Variants in TBX15 observed in about 807,000 individuals in gnomAD.
TBX15 encodes T-box transcription factor TBX15.
TBX15 carries 18 observed loss-of-function variants against 53.9 expected under a neutral mutation model. The observed-to-expected ratio is 0.33, with a 90% CI of 0.23 to 0.49. The LOEUF (loss-of-function observed/expected upper bound fraction) is 0.49, where lower values mean the gene tolerates loss of function less well. Among genes scored for constraint, TBX15 ranks in the 20% least tolerant of loss-of-function variants. The pLI is 0.98. For missense variants in TBX15, 692 were observed against 749.5 expected (o/e 0.92, Z 0.90); for synonymous variants, 295 against 278.0 (o/e 1.06, Z -0.61).
intron 1 of TBX15, among the ~76,000 whole-genome samples, chr1:118,941,018 A>G (rs1485309205): frequency 6.6e-6 from 1 of 152,170 alleles, no homozygotes; most frequent in East Asian, 1.9e-4. Flanking sequence ...ATTTCAGGTG[A>G]GCAGCTATCA....
At chr1:118,977,690 C>G (rs1023308866) in intron 1 of TBX15, among the ~76,000 whole-genome samples, 1 of 152,224 alleles carries the variant, frequency 6.6e-6, no homozygotes, top group African/African-American at 2.4e-5. Context: ...TAGGTGTATG[C>G]TGGGCACAGT....
At chr1:118,907,351 A>G (rs1475562600) in intron 6 of TBX15, among the ~76,000 whole-genome samples, 3 of 152,246 alleles carry the variant, frequency 2.0e-5, no homozygotes, top group Admixed American at 1.3e-4. Flanking sequence ...AGAACCCTTC[A>G]CTACTCAGAC....
chr1:118,923,138 C>T (rs543434692), intron 5 of TBX15, among the ~76,000 whole-genome samples: 30 of 151,862 alleles, frequency 2.0e-4, no homozygotes, highest in Non-Finnish European at 3.7e-4. Context: ...CCCTCCATGG[C>T]TTCTGCAGTT....
chr1:118,944,998 T>C (rs1255919706), intron 1 of TBX15, among the ~76,000 whole-genome samples: 2 of 152,158 alleles, frequency 1.3e-5, no homozygotes, highest in South Asian at 4.1e-4. Flanking sequence ...TCAGAGTCAA[T>C]CTCCATCAAT....
chr1:118,951,941 G>A (rs996570531), intron 1 of TBX15, among the ~76,000 whole-genome samples: 2 of 152,148 alleles, frequency 1.3e-5, no homozygotes, highest in Admixed American at 1.3e-4. Flanking sequence ...AGGAATGTAG[G>A]GCTGCAGTTG....
intron 1 of TBX15, among the ~76,000 whole-genome samples, chr1:118,965,893 GTA>G (rs1657021001): frequency 6.6e-6 from 1 of 152,074 alleles, no homozygotes; most frequent in Admixed American, 6.5e-5. Flanking sequence ...GTGTGTATGT[GTA>G]TATAAGGACT....
intron 1 of TBX15, among the ~76,000 whole-genome samples, chr1:118,968,612 C>T (rs922403278): frequency 6.6e-6 from 1 of 152,074 alleles, no homozygotes. Context: ...ATGCATATTG[C>T]ATTTGTGAGT....
At chr1:118,917,403 C>T (rs1224327179) in intron 5 of TBX15, among the ~76,000 whole-genome samples, 5 of 152,098 alleles carry the variant, frequency 3.3e-5, no homozygotes, top group Admixed American at 3.3e-4. Context: ...GAACAATACA[C>T]ACTGAGGCCT....
intron 7 of TBX15, among the ~76,000 whole-genome samples, chr1:118,896,824 T>C (rs1432724527): frequency 6.6e-6 from 1 of 152,192 alleles, no homozygotes; most frequent in East Asian, 1.9e-4. Context: ...ATGGGTGTTG[T>C]TGGTTTTACA....
intron 7 of TBX15, among the ~76,000 whole-genome samples, chr1:118,894,958 A>G (rs1654371512): frequency 6.6e-6 from 1 of 152,174 alleles, no homozygotes; most frequent in African/African-American, 2.4e-5. Flanking sequence ...AGCCATACGT[A>G]TGGGCATTAT....
At chr1:118,896,071 CATT>C (rs1460502623) in intron 7 of TBX15, among the ~76,000 whole-genome samples, 1 of 152,140 alleles carries the variant, frequency 6.6e-6, no homozygotes, top group African/African-American at 2.4e-5. Flanking sequence ...TTTCTTAAAA[CATT>C]ATGAGATTTT....
At chr1:118,906,051 T>C (rs889171998) in intron 6 of TBX15, among the ~76,000 whole-genome samples, 14 of 152,150 alleles carry the variant, frequency 9.2e-5, no homozygotes, top group Admixed American at 3.9e-4. Flanking sequence ...AAATGGGAAA[T>C]AGTGCATTGA....
intron 1 of TBX15, among the ~76,000 whole-genome samples, chr1:118,941,242 C>T (rs1305794265): frequency 6.6e-6 from 1 of 152,126 alleles, no homozygotes; most frequent in East Asian, 1.9e-4. Context: ...CTCCAAAGGC[C>T]TTACAAGCAT....
intron 1 of TBX15, among the ~76,000 whole-genome samples, chr1:118,982,183 G>A (rs2101055146): frequency 6.6e-6 from 1 of 152,314 alleles, no homozygotes; most frequent in East Asian, 1.9e-4. Context: ...CTTTATCCCT[G>A]TGGAATTTGT....
At chr1:118,984,582 T>C (rs953298997) in intron 1 of TBX15, among the ~76,000 whole-genome samples, 9 of 152,196 alleles carry the variant, frequency 5.9e-5, no homozygotes, top group African/African-American at 2.2e-4. Flanking sequence ...AGTTCCTCTG[T>C]TGCTCTGGGA....
At chr1:118,953,515 A>G (rs1457069039) in intron 1 of TBX15, among the ~76,000 whole-genome samples, 2 of 152,196 alleles carry the variant, frequency 1.3e-5, no homozygotes, top group Admixed American at 6.5e-5. Flanking sequence ...TCCAATTATA[A>G]AACACATTTT....
At chr1:118,896,635 C>T (rs1488781962) in intron 7 of TBX15, among the ~76,000 whole-genome samples, 1 of 152,162 alleles carries the variant, frequency 6.6e-6, no homozygotes, top group Non-Finnish European at 1.5e-5. Context: ...CCAATACTCA[C>T]CTCATTAAAA....
At chr1:118,954,590 T>C (rs1656617036) in intron 1 of TBX15, among the ~76,000 whole-genome samples, 1 of 152,204 alleles carries the variant, frequency 6.6e-6, no homozygotes, top group African/African-American at 2.4e-5. Context: ...GTCAATAAAG[T>C]TCACTATGCT....
chr1:118,915,898 T>C (rs1655203567), intron 5 of TBX15, among the ~76,000 whole-genome samples: 1 of 152,194 alleles, frequency 6.6e-6, no homozygotes, highest in African/African-American at 2.4e-5. Context: ...AAAATATATT[T>C]CCCACAGCTC....
Sources: allele counts gnomAD v4.1 joint callset (sites outside exome capture counted in the v4.1 genomes callset), GRCh38; gene constraint gnomAD v4.1.1; transcripts MANE v1.5; gene names NCBI Gene and HGNC (gene_info 2026-07-23, HGNC 2026-07-21).